Variants in MCOLN2 observed in about 807,000 individuals in gnomAD.
The protein encoded by MCOLN2 is mucolipin-2.
In MCOLN2, 57 loss-of-function variants were observed where a neutral mutation model predicts 67.5. The observed-to-expected ratio is 0.84, with a 90% CI of 0.68 to 1.05. The LOEUF (loss-of-function observed/expected upper bound fraction) is 1.05. Ranked by LOEUF, MCOLN2 falls within the 50% of genes least tolerant of loss-of-function variation. MCOLN2 has a pLI of 0.00. For missense variants in MCOLN2, 620 were observed against 678.8 expected (o/e 0.91, Z 0.96); for synonymous variants, 246 against 233.3 (o/e 1.05, Z -0.50).
intron 1 of MCOLN2, among the ~76,000 whole-genome samples, chr1:84,971,167 C>T (rs915204419): frequency 6.6e-6 from 1 of 151,886 alleles, no homozygotes; most frequent in Non-Finnish European, 1.5e-5. Context: ...ACATTTCCCT[C>T]AAGAGTACAT....
At chr1:84,975,316 C>G (rs1649943286) in intron 1 of MCOLN2, among the ~76,000 whole-genome samples, 1 of 152,154 alleles carries the variant, frequency 6.6e-6, no homozygotes, top group Non-Finnish European at 1.5e-5. Flanking sequence ...TCACTCCATC[C>G]CTAGCTTTAG....
At position 84,947,081 on chromosome 1, in the gene MCOLN2, T is replaced by C. The variant is rs748235820; in HGVS notation, c.799A>G (p.Ser267Gly). The stretch of plus-strand genomic sequence containing the variant: ...TTACATTCTTCAATTTTGGCATCAC[T>C]GTCAAAATAGATTTTGATTTTGCCA... ...HSGKIKIYFD[S>G]DAKIEECKDL... Residue 267 changes from serine to glycine, a missense_variant, in exon 7 of 14, where the codon AGT (serine) becomes GGT (glycine). By Grantham distance (56) the Ser-to-Gly change is moderately conservative (BLOSUM62 0). Transcript: ENST00000370608. The C allele has an allele frequency of 1.9e-5, 31 of 1,604,066 alleles. No homozygotes were observed. The highest frequency in any genetic ancestry group is 2.5e-5 in the Non-Finnish European group (29 of 1,171,314).
chr1:84,964,532 G>C lies in MCOLN2; in HGVS notation c.237+1017C>G, dbSNP rs486647. 1.0e-2 allele frequency among the ~76,000 whole-genome samples: 1,474 copies of C among 147,690 alleles called. 35 individuals are homozygous for C. Among genetic ancestry groups the C allele is most frequent in the African/African-American group, 0.034 (1,370 of 40,832 alleles). The stretch of plus-strand genomic sequence containing the variant: ...GACTGGAGTGGGGCAGGAGTGGGGG[G>C]GGGTGGGTAATGGTTTCAGGATGAT... On this transcript the variant is annotated intron_variant, in intron 2 of 13. Transcript: ENST00000370608.
At chr1:84,928,308 C>A (rs1661251616) in intron 13 of MCOLN2, among the ~76,000 whole-genome samples, 1 of 152,178 alleles carries the variant, frequency 6.6e-6, no homozygotes, top group South Asian at 2.1e-4. Context: ...TTCTCAACAA[C>A]CCTCAGCACA....
chr1:84,996,393 CATATATATATATATATATATATAT>C lies in MCOLN2; in HGVS notation c.77+379_77+402del, dbSNP rs6143310. 6.0e-3 allele frequency among the ~76,000 whole-genome samples: 740 copies of C among 123,944 alleles called. 20 individuals are homozygous for C. Among genetic ancestry groups the C allele is most frequent in the African/African-American group, 0.018 (522 of 28,924 alleles). 81.3% of individuals were successfully genotyped at this position (123,944 alleles called of 152,430 possible). Reference sequence around the variant, plus strand: ...CACACTTACACATACGTATATATTTCATATATATATATATATATATATATATATATATATATATGTTTGGAGAGC... The same window carrying C: ...CACACTTACACATACGTATATATTTCATATATATATATATGTTTGGAGAGC... On this transcript the variant is annotated intron_variant, in intron 1 of 13. Coordinates refer to ENST00000370608, the MANE Select transcript of MCOLN2 (RefSeq NM_153259.4).
Position 84,940,688 on chromosome 1 carries a change from A to C in MCOLN2, c.960+191T>G, listed in dbSNP as rs367712579. Among the ~76,000 whole-genome samples the C allele has an allele frequency of 1.7e-4, 26 of 152,346 alleles. No homozygotes were observed. In the South Asian group the frequency reaches 2.3e-3, roughly 13 times the overall value. ...GGATAATTATCTGATCCCACTTGAC[A>C]TACTCAGAGCCTTTACTCACTTCCT... On this transcript the variant is annotated intron_variant, in intron 8 of 13. Transcript: ENST00000370608.
At chr1:84,962,464 G>T (rs1198020728) in intron 2 of MCOLN2, among the ~76,000 whole-genome samples, 2 of 152,196 alleles carry the variant, frequency 1.3e-5, no homozygotes, top group Non-Finnish European at 2.9e-5. Context: ...GATCTCTTGA[G>T]CCCAGGAGTT....
chr1:84,932,989 A>C (rs1647249496), intron 11 of MCOLN2, among the ~76,000 whole-genome samples: 2 of 152,214 alleles, frequency 1.3e-5, no homozygotes, highest in African/African-American at 4.8e-5. Flanking sequence ...TCCTTTATGC[A>C]GCCTCATCAC....
chr1:84,945,625 C>A (rs927235548), intron 7 of MCOLN2, among the ~76,000 whole-genome samples: 7 of 152,284 alleles, frequency 4.6e-5, no homozygotes, highest in African/African-American at 1.4e-4. Flanking sequence ...GTCATTTAAA[C>A]AAAATCTGCA....
At chr1:84,958,503 T>C (rs748650271) in intron 3 of MCOLN2, 26 bp downstream of exon 3, 7 of 1,573,118 alleles carry the variant, frequency 4.4e-6, no homozygotes, top group South Asian at 3.6e-5. Flanking sequence ...TGTTAAAGTA[T>C]AGGTCATTCA....
intron 7 of MCOLN2, among the ~76,000 whole-genome samples, chr1:84,945,294 A>G (rs1648032852): frequency 1.3e-5 from 2 of 152,232 alleles, no homozygotes; most frequent in African/African-American, 2.4e-5. Context: ...CAAATCACAT[A>G]TTTGACAAAG....
Position 84,952,274 on chromosome 1 carries a change from T to C in MCOLN2, c.716A>G (p.Glu239Gly). Reference protein sequence around the residue: ...GIDLQTIHSRELPDCYVFQNT... With the variant: ...GIDLQTIHSRGLPDCYVFQNT... ...CTGAAAGACATAACAGTCTGGTAAC[T>C]CACGGGAATGAATTGTCTGTAGGTC... Residue 239 changes from glutamate (E) to glycine (G), a missense_variant, in exon 6 of 14, where the codon GAG (glutamate) becomes GGG (glycine). Glu to Gly is a moderately conservative substitution (Grantham distance 98). Coordinates refer to ENST00000370608, the MANE Select transcript of MCOLN2 (RefSeq NM_153259.4). The C allele has an allele frequency of 6.2e-7, 1 of 1,613,394 alleles. No individual in the cohort carries two copies. Among genetic ancestry groups the C allele is most frequent in the Non-Finnish European group, 8.5e-7 (1 of 1,179,618 alleles).
At chr1:84,990,726 T>C (rs2102892984) in intron 1 of MCOLN2, among the ~76,000 whole-genome samples, 1 of 152,114 alleles carries the variant, frequency 6.6e-6, no homozygotes, top group East Asian at 1.9e-4. Context: ...GAGACCAGTC[T>C]GAGCAACATA....
chr1:84,972,709 C>G (rs958447415), intron 1 of MCOLN2, among the ~76,000 whole-genome samples: 6 of 152,200 alleles, frequency 3.9e-5, no homozygotes, highest in Non-Finnish European at 7.3e-5. Context: ...TTAAGGCTAT[C>G]ATATGATCAA....
chr1:84,972,468 A>G (rs928372604), intron 1 of MCOLN2, among the ~76,000 whole-genome samples: 2 of 152,222 alleles, frequency 1.3e-5, no homozygotes, highest in Non-Finnish European at 2.9e-5. Flanking sequence ...ATAGAATAGA[A>G]AGCCACCCAT....
intron 1 of MCOLN2, among the ~76,000 whole-genome samples, chr1:84,978,583 T>C (rs575853302): frequency 1.3e-5 from 2 of 152,208 alleles, no homozygotes; most frequent in East Asian, 1.9e-4. Flanking sequence ...TGAGCAACTA[T>C]ATACCAATAA....
intron 1 of MCOLN2, among the ~76,000 whole-genome samples, chr1:84,978,348 C>T (rs1003317090): frequency 2.0e-5 from 3 of 151,000 alleles, no homozygotes; most frequent in Admixed American, 6.6e-5. Context: ...CAAGAGCAAA[C>T]GAAACCCAAA....
At position 84,926,506 on chromosome 1, in the gene MCOLN2, G is replaced by C. The variant is rs764345692; in HGVS notation, c.*179C>G. 18 of 448,002 alleles carry C rather than the reference G, an allele frequency of 4.0e-5. No homozygotes were observed. Among genetic ancestry groups the C allele is most frequent in the Middle Eastern group, 6.1e-4 (2 of 3,254 alleles). The allele number at this position is 448,002 out of a possible 1,614,324, so 27.8% of individuals were successfully genotyped here. A position where few individuals can be genotyped will look rare whatever the true frequency, so the allele number is the denominator to read the frequency against. On this transcript the variant is annotated 3_prime_UTR_variant, in exon 14 of 14. Transcript: ENST00000370608. Reference sequence around the variant, plus strand: ...CCATGGTCTATTCTTTATCATTCAAGTTTATAAAAAGTAAAGCTGGAACTT... The same window carrying C: ...CCATGGTCTATTCTTTATCATTCAACTTTATAAAAAGTAAAGCTGGAACTT...
At chr1:84,966,978 G>A (rs1649411840) in intron 1 of MCOLN2, among the ~76,000 whole-genome samples, 1 of 151,926 alleles carries the variant, frequency 6.6e-6, no homozygotes, top group Admixed American at 6.6e-5. Context: ...CCATAACAAA[G>A]AATATACATT....
Sources: allele counts gnomAD v4.1 joint callset (sites outside exome capture counted in the v4.1 genomes callset), GRCh38; gene constraint gnomAD v4.1.1; transcripts MANE v1.5; gene names NCBI Gene and HGNC (gene_info 2026-07-23, HGNC 2026-07-21).